The following SLC25A1 variants were observed in gnomAD, a reference collection of about 807,000 sequenced individuals.
SLC25A1 encodes the protein tricarboxylate transport protein, mitochondrial.
In SLC25A1, 26 loss-of-function variants were observed where a neutral mutation model predicts 38.1. The observed-to-expected ratio is 0.68, with a 90% CI of 0.50 to 0.95. The LOEUF (loss-of-function observed/expected upper bound fraction) is 0.95, where lower values mean the gene tolerates loss of function less well. SLC25A1 is among the 40% of genes least tolerant of loss of function. The pLI is 0.00. For missense variants in SLC25A1, 378 were observed against 426.6 expected (o/e 0.89, Z 1.00); for synonymous variants, 211 against 183.2 (o/e 1.15, Z -1.23).
chr22:19,177,967 C>T lies in SLC25A1; in HGVS notation c.277G>A (p.Gly93Ser), dbSNP rs56386322. The change falls in exon 3 of 9, where the codon GGT (glycine) becomes AGT (serine). Residue 93 changes from glycine to serine, a missense_variant. Transcript: ENST00000215882. ...LYRGLSSLLYGSIPKAAVRFG... is the reference protein window; with the variant it reads ...LYRGLSSLLYSSIPKAAVRFG... The stretch of plus-strand genomic sequence containing the variant: ...CTGACGGCCGCCTTGGGGATGGAAC[C>T]GTAGAGCAGGGAGCTAAGGCCGCGG... The T allele has an allele frequency of 1.9e-6, 3 of 1,604,034 alleles. No individual in the cohort carries two copies. Among genetic ancestry groups the T allele is most frequent in the Non-Finnish European group, 2.5e-6 (3 of 1,177,050 alleles).
At chr22:19,176,332 C>G in intron 8 of SLC25A1, 88 bp from the exon 9 acceptor site, 6 of 1,559,692 alleles carry the variant, frequency 3.8e-6, no homozygotes, top group Non-Finnish European at 5.3e-6. Flanking sequence ...GTGAGAGGCA[C>G]AGAGGCCTGA....
intron 4 of SLC25A1, 45 bp from the exon 5 acceptor site, chr22:19,177,249 G>A: frequency 2.6e-6 from 4 of 1,543,602 alleles, no homozygotes; most frequent in Non-Finnish European, 3.6e-6. Flanking sequence ...TGCCACCTGG[G>A]TGGGTCCTGG....
Position 19,178,114 on chromosome 22 carries a change from G to A in SLC25A1, c.202+19C>T. Reference sequence around the variant, plus strand: ...CTGGGTACCCGCCCCCCGCGGCGCCGCGGCCTCCCCCTCCTCACCGATGCC... The same window carrying A: ...CTGGGTACCCGCCCCCCGCGGCGCCACGGCCTCCCCCTCCTCACCGATGCC... On this transcript the variant is annotated intron_variant, in intron 2 of 8. Coordinates refer to ENST00000215882, the MANE Select transcript of SLC25A1 (RefSeq NM_005984.5). This position sits in a 1 kb window ranked among gnomAD's most constrained non-coding sequence, Gnocchi z 4.9. 6.5e-7 allele frequency: 1 copy of A among 1,533,250 alleles called. No homozygotes were observed. The highest frequency in any genetic ancestry group is 8.8e-7 in the Non-Finnish European group (1 of 1,140,226). 95.0% of individuals were successfully genotyped at this position (1,533,250 alleles called of 1,614,324 possible).
At chr22:19,176,360 G>A (rs1555922260) in intron 8 of SLC25A1, 61 bp downstream of exon 8, 30 of 1,583,760 alleles carry the variant, frequency 1.9e-5, no homozygotes, top group Non-Finnish European at 2.4e-5. Flanking sequence ...AGAGTGGGCA[G>A]GCCAGGTAGG....
Position 19,177,194 on chromosome 22 carries a change from A to T in SLC25A1, c.452T>A (p.Ile151Asn), listed in dbSNP as rs782483584. ...GGGGTTTGGGGAGGTCTGGTCGTGG[A>T]TGAACTTCACCTGAGAGAGAGAAGC... ...CPMETIKVKF[I>N]HDQTSPNPKY... The change falls in exon 5 of 9, where the codon ATC becomes AAC. Residue 151 changes from isoleucine (I) to asparagine (N), a missense_variant. Transcript: ENST00000215882. 2 of 1,613,874 alleles carry T rather than the reference A, an allele frequency of 1.2e-6. No homozygotes were observed. Among genetic ancestry groups the T allele is most frequent in the Non-Finnish European group, 1.7e-6 (2 of 1,179,846 alleles).
chr22:19,177,957 G>C lies in SLC25A1; in HGVS notation c.287C>G (p.Pro96Arg). The part of the protein sequence containing the change: ...GLSSLLYGSI[P>R]KAAVRFGMFE... Reference sequence around the variant, plus strand: ...CGGGCCTCACCTGACGGCCGCCTTGGGGATGGAACCGTAGAGCAGGGAGCT... The same window carrying C: ...CGGGCCTCACCTGACGGCCGCCTTGCGGATGGAACCGTAGAGCAGGGAGCT... Residue 96 changes from proline to arginine, a missense_variant, in exon 3 of 9, where the codon CCC (proline) becomes CGC (arginine). Coordinates refer to ENST00000215882, the MANE Select transcript of SLC25A1 (RefSeq NM_005984.5). 1.2e-6 allele frequency: 2 copies of C among 1,602,592 alleles called. No individual in the cohort carries two copies. Among genetic ancestry groups the C allele is most frequent in the Non-Finnish European group, 1.7e-6 (2 of 1,176,450 alleles).
At chr22:19,177,671 G>T (rs972898278) in intron 4 of SLC25A1, 56 bp downstream of exon 4, 11 of 1,595,416 alleles carry the variant, frequency 6.9e-6, no homozygotes, top group Non-Finnish European at 6.8e-6. Context: ...GGCCAGCGGG[G>T]CCGCCCGTCT....
At position 19,176,812 on chromosome 22, in the gene SLC25A1, T is replaced by C. The variant is rs782774066; in HGVS notation, c.631+34A>G. The C allele has an allele frequency of 4.4e-6, 7 of 1,606,474 alleles. 1 individual carries two copies. The highest frequency in any genetic ancestry group is 2.7e-5 in the African/African-American group (2 of 74,832). On this transcript the variant is annotated intron_variant, in intron 6 of 8. Transcript: ENST00000215882. ...CCAAGGAGAGGAGAGGAGCTGGCCA[T>C]GTGCAGAGATGGGGCCCTGTGATGC...
Position 19,176,450 on chromosome 22 carries a change from C to T in SLC25A1, c.792G>A (p.Leu264=). 3 of 1,613,782 alleles carry T rather than the reference C, an allele frequency of 1.9e-6. No homozygotes were observed. The highest frequency in any genetic ancestry group is 2.5e-6 in the Non-Finnish European group (3 of 1,179,988). ...HKYRNTWDCG[L]QILKKEGLKA... ...TGAGCCCCTCCTTCTTCAGGATCTGCAAGCCGCAGTCCCACGTGTTCCGGT... is the reference window on the plus strand; with the variant it reads ...TGAGCCCCTCCTTCTTCAGGATCTGTAAGCCGCAGTCCCACGTGTTCCGGT... Residue 264 remains leucine, a synonymous_variant, in exon 8 of 9, where the codon TTG becomes TTA. Coordinates refer to ENST00000215882, the MANE Select transcript of SLC25A1 (RefSeq NM_005984.5).
chr22:19,178,082 C>G lies in SLC25A1; in HGVS notation c.203-41G>C. 3 of 1,542,006 alleles carry G rather than the reference C, an allele frequency of 1.9e-6. No homozygotes were observed. Among genetic ancestry groups the G allele is most frequent in the Non-Finnish European group, 2.6e-6 (3 of 1,145,494 alleles). On this transcript the variant is annotated intron_variant, in intron 2 of 8. Coordinates refer to ENST00000215882, the MANE Select transcript of SLC25A1 (RefSeq NM_005984.5). The surrounding 1 kb of genome is among the most constrained non-coding windows in gnomAD (Gnocchi z 4.9). ...GTCAGGACCCCACGGCCCTCGGTGC[C>G]GCCGCCCTGGGTACCCGCCCCCCGC...
At chr22:19,177,603 G>A (rs946013049) in intron 4 of SLC25A1, 124 bp downstream of exon 4, 4 of 1,368,934 alleles carry the variant, frequency 2.9e-6, no homozygotes, top group South Asian at 1.3e-5. Context: ...TCACCCCGCC[G>A]GCCTTCCCTG....
At position 19,178,397 on chromosome 22, in the gene SLC25A1, C is replaced by A; in HGVS notation, c.95-157G>T. ...CCCCCATGCCCTCACCCCGTTGTCC[C>A]GGCGAGGCGCAGGGGGTGACAGACG... On this transcript the variant is annotated intron_variant, in intron 1 of 8. Coordinates refer to ENST00000215882, the MANE Select transcript of SLC25A1 (RefSeq NM_005984.5). The surrounding 1 kb of genome is among the most constrained non-coding windows in gnomAD (Gnocchi z 4.9). 2.1e-6 allele frequency: 3 copies of A among 1,397,444 alleles called. No homozygotes were observed. The highest frequency in any genetic ancestry group is 2.9e-5 in the East Asian group (1 of 34,466). 86.6% of individuals were successfully genotyped at this position (1,397,444 alleles called of 1,614,324 possible).
chr22:19,178,656 G>A lies in SLC25A1; in HGVS notation c.18C>T (p.Ala6=), dbSNP rs2084013477. The A allele has an allele frequency of 8.6e-7, 1 of 1,162,102 alleles. No individual in the cohort carries two copies. The highest frequency in any genetic ancestry group is 1.1e-6 in the Non-Finnish European group (1 of 943,302). The allele number at this position is 1,162,102 out of a possible 1,614,324, so 72.0% of individuals were successfully genotyped here. A position where few individuals can be genotyped will look rare whatever the true frequency, so the allele number is the denominator to read the frequency against. The stretch of plus-strand genomic sequence containing the variant: ...GCGCGGCGGCCGCCAGAGCGCGCGG[G>A]GCGCGGGGCGCGGGCATGGCGGGCG... MPAPR[A]PRALAAAAPA... Residue 6 remains alanine (A), a synonymous_variant, in exon 1 of 9, where the codon GCC becomes GCT. Coordinates refer to ENST00000215882, the MANE Select transcript of SLC25A1 (RefSeq NM_005984.5). The surrounding 1 kb of genome is among the most constrained non-coding windows in gnomAD (Gnocchi z 4.9).
In SLC25A1 at chr22:19,177,847, G is replaced by A. The variant is rs935911300; in HGVS notation, c.321C>T (p.Phe107=). The A allele has an allele frequency of 1.2e-6, 2 of 1,609,150 alleles. No individual in the cohort carries two copies. The highest frequency in any genetic ancestry group is 1.8e-4 in the Middle Eastern group (1 of 5,642). The change falls in exon 4 of 9, where the codon TTC becomes TTT. Residue 107 remains phenylalanine (F), a synonymous_variant. Coordinates refer to ENST00000215882, the MANE Select transcript of SLC25A1 (RefSeq NM_005984.5). The part of the protein sequence containing the change: ...KAAVRFGMFE[F]LSNHMRDAQG... ...GGGCATCCCGCATGTGGTTGCTGAG[G>A]AACTCGAACATTCCAAACCTGGAGG...
Position 19,176,090 on chromosome 22 carries a change from TGGCGGTGCCTGG to T in SLC25A1, c.*28_*39del. Reference sequence around the variant, plus strand: ...GTGAGACAAAGGTAGCAGGACACTCTGGCGGTGCCTGGGGCGGTCCCCTTGCGGCCTCTCTAG... The same window carrying T: ...GTGAGACAAAGGTAGCAGGACACTCTGGCGGTCCCCTTGCGGCCTCTCTAG... On this transcript the variant is annotated 3_prime_UTR_variant, in exon 9 of 9. Coordinates refer to ENST00000215882, the MANE Select transcript of SLC25A1 (RefSeq NM_005984.5). 6.6e-7 allele frequency: 1 copy of T among 1,523,780 alleles called. No individual in the cohort carries two copies. The highest frequency in any genetic ancestry group is 9.1e-7 in the Non-Finnish European group (1 of 1,099,012). The allele number at this position is 1,523,780 out of a possible 1,614,324, so 94.4% of individuals were successfully genotyped here. A position where few individuals can be genotyped will look rare whatever the true frequency, so the allele number is the denominator to read the frequency against.
chr22:19,178,009 C>T lies in SLC25A1; in HGVS notation c.235G>A (p.Gly79Ser), dbSNP rs1555923166. ...AGGCCGCGGTACAGGCCCAGGACGC[C>T]ATGGCTGCGAACCGTCTGCCGCACG... ...DCVRQTVRSH[G>S]VLGLYRGLSS... The change falls in exon 3 of 9, where the codon GGC (glycine) becomes AGC (serine). Residue 79 changes from glycine (G) to serine (S), a missense_variant. Coordinates refer to ENST00000215882, the MANE Select transcript of SLC25A1 (RefSeq NM_005984.5). This position sits in a 1 kb window ranked among gnomAD's most constrained non-coding sequence, Gnocchi z 4.9. 6.2e-7 allele frequency: 1 copy of T among 1,601,622 alleles called. No individual in the cohort carries two copies. Among genetic ancestry groups the T allele is most frequent in the Non-Finnish European group, 8.5e-7 (1 of 1,176,092 alleles).
At chr22:19,177,644 T>A (rs544994499) in intron 4 of SLC25A1, 83 bp downstream of exon 4, 5 of 1,565,658 alleles carry the variant, frequency 3.2e-6, no homozygotes, top group Admixed American at 3.4e-5. Context: ...AGCTTGCCGG[T>A]TGCCCCGGGA....
chr22:19,178,560 C>T lies in SLC25A1; in HGVS notation c.94+20G>A, dbSNP rs2084011064. On this transcript the variant is annotated intron_variant, in intron 1 of 8. Coordinates refer to ENST00000215882, the MANE Select transcript of SLC25A1 (RefSeq NM_005984.5). The surrounding 1 kb of genome is among the most constrained non-coding windows in gnomAD (Gnocchi z 4.9). Reference sequence around the variant, plus strand: ...CCAGAAGCGCGGCGGGAGAGGGGTCCGCGTCCCGGAGGGGCCCACCTGCCA... The same window carrying T: ...CCAGAAGCGCGGCGGGAGAGGGGTCTGCGTCCCGGAGGGGCCCACCTGCCA... The T allele has an allele frequency of 8.0e-7, 1 of 1,244,668 alleles. No homozygotes were observed. Among genetic ancestry groups the T allele is most frequent in the Middle Eastern group, 2.7e-4 (1 of 3,694 alleles). 77.1% of individuals were successfully genotyped at this position (1,244,668 alleles called of 1,614,324 possible).
chr22:19,178,431 G>C lies in SLC25A1; in HGVS notation c.94+149C>G. 1.5e-6 allele frequency: 2 copies of C among 1,373,650 alleles called. No individual in the cohort carries two copies. The highest frequency in any genetic ancestry group is 1.9e-6 in the Non-Finnish European group (2 of 1,070,188). The allele number at this position is 1,373,650 out of a possible 1,614,324, so 85.1% of individuals were successfully genotyped here. ...GCAGGGGGTGACAGACGGGAGGCGGGCGAGTCCCAGCGCGCCGGGTGGGGA... is the reference window on the plus strand; with the variant it reads ...GCAGGGGGTGACAGACGGGAGGCGGCCGAGTCCCAGCGCGCCGGGTGGGGA... On this transcript the variant is annotated intron_variant, in intron 1 of 8. Transcript: ENST00000215882. This position sits in a 1 kb window ranked among gnomAD's most constrained non-coding sequence, Gnocchi z 4.9.
Sources: gnomAD v4.1 joint callset for allele counts on GRCh38, gnomAD v4.1.1 for gene constraint, Gnocchi (gnomAD v3.1) non-coding constraint, MANE v1.5 for transcripts, NCBI Gene and HGNC (gene_info 2026-07-23, HGNC 2026-07-21) for gene names.